Variants in LARGE1 observed in about 807,000 individuals in gnomAD.
LARGE1 encodes the protein xylosyl- and glucuronyltransferase LARGE1.
LARGE1 carries 43 observed loss-of-function variants against 87.6 expected under a neutral mutation model. The observed-to-expected ratio is 0.49, with a 90% CI of 0.38 to 0.63. The LOEUF (loss-of-function observed/expected upper bound fraction) is 0.63. LARGE1 is among the 30% of genes least tolerant of loss of function. The pLI is 0.00. For synonymous variants in LARGE1, 434 were observed against 394.6 expected (o/e 1.10, Z -1.18); for missense variants, 802 against 1,000.2 (o/e 0.80, Z 2.67).
At chr22:33,403,435 T>C (rs534829376) in intron 7 of LARGE1, among the ~76,000 whole-genome samples, 3 of 152,272 alleles carry the variant, frequency 2.0e-5, no homozygotes, top group African/African-American at 7.2e-5. Context: ...ATGGGAGTAA[T>C]AGGGAGTAGT....
In LARGE1 at chr22:33,865,832, C is replaced by CTTTTTTT. The variant is rs3072359; in HGVS notation, c.-83+54156_-83+54162dup. On this transcript the variant is annotated intron_variant, in intron 1 of 14. Coordinates refer to ENST00000397394, the MANE Select transcript of LARGE1 (RefSeq NM_133642.5). ...TAAGCATTCAATGTTAGCTGTTATT[C>CTTTTTTT]TTTTTTTTTTTTTTTTTTTTTTTTT... Among the ~76,000 whole-genome samples the CTTTTTTT allele has an allele frequency of 1.8e-4, 5 of 28,394 alleles. 2 individuals are homozygous for CTTTTTTT. Among genetic ancestry groups the CTTTTTTT allele is most frequent in the Admixed American group, 1.3e-3 (2 of 1,558 alleles). 18.6% of individuals were successfully genotyped at this position (28,394 alleles called of 152,430 possible). A position where few individuals can be genotyped will look rare whatever the true frequency, so the allele number is the denominator to read the frequency against.
intron 10 of LARGE1, among the ~76,000 whole-genome samples, chr22:33,330,007 C>A (rs1937542896): frequency 6.8e-6 from 1 of 147,004 alleles, no homozygotes; most frequent in Admixed American, 6.6e-5. Flanking sequence ...AAAAACAGAA[C>A]AACAAAAAAA....
chr22:33,853,797 C>T (rs1053779129), intron 1 of LARGE1, among the ~76,000 whole-genome samples: 3 of 152,230 alleles, frequency 2.0e-5, no homozygotes, highest in African/African-American at 7.2e-5. Flanking sequence ...TCAAAACCTG[C>T]CTTGGGGCAG....
intron 2 of LARGE1, among the ~76,000 whole-genome samples, chr22:33,676,759 G>A (rs761784657): frequency 2.0e-5 from 3 of 152,062 alleles, no homozygotes; most frequent in Admixed American, 1.3e-4. Context: ...ATACTCAGTG[G>A]TGCCACTGTA....
intron 1 of LARGE1, among the ~76,000 whole-genome samples, chr22:33,791,578 A>G (rs1168164164): frequency 1.3e-5 from 2 of 152,248 alleles, no homozygotes; most frequent in East Asian, 1.9e-4. Flanking sequence ...ACTTCATCTG[A>G]AAATTCATTT....
chr22:33,333,869 A>G (rs771728410), intron 10 of LARGE1, among the ~76,000 whole-genome samples: 1 of 152,214 alleles, frequency 6.6e-6, no homozygotes, highest in Non-Finnish European at 1.5e-5. Flanking sequence ...CTGTAATCCC[A>G]GCACTTTGGG....
At chr22:33,184,400 T>C (rs1923364147) in intron 11 of LARGE1, among the ~76,000 whole-genome samples, 1 of 151,442 alleles carries the variant, frequency 6.6e-6, no homozygotes, top group Non-Finnish European at 1.5e-5. Context: ...TTAATTATAA[T>C]GTAATTATGT....
intron 1 of LARGE1, among the ~76,000 whole-genome samples, chr22:33,828,898 T>C (rs1470396658): frequency 6.6e-6 from 1 of 152,102 alleles, no homozygotes; most frequent in Non-Finnish European, 1.5e-5. Context: ...TGCTATTCCC[T>C]CTCGCTGGAA....
chr22:33,657,940 A>G (rs1603019319), intron 2 of LARGE1, among the ~76,000 whole-genome samples: 2 of 152,028 alleles, frequency 1.3e-5, no homozygotes, highest in African/African-American at 4.8e-5. Context: ...GACTAATGAA[A>G]AAAAAAAAAG....
At chr22:33,510,459 C>G (rs1379687279) in intron 6 of LARGE1, among the ~76,000 whole-genome samples, 1 of 152,186 alleles carries the variant, frequency 6.6e-6, no homozygotes, top group African/African-American at 2.4e-5. Context: ...CTGCCTGTCT[C>G]CAGAGGATGT....
intron 6 of LARGE1, among the ~76,000 whole-genome samples, chr22:33,448,209 C>G (rs2067768222): frequency 1.3e-5 from 2 of 152,012 alleles, no homozygotes; most frequent in South Asian, 4.2e-4. Flanking sequence ...ACACTAAATG[C>G]CACTGGATTG....
chr22:33,269,940 G>T (rs1040007745), downstream of LARGE1, among the ~76,000 whole-genome samples: 2 of 151,312 alleles, frequency 1.3e-5, no homozygotes, highest in African/African-American at 4.9e-5. Context: ...GGGAAGCAGA[G>T]CTTGCAGTGA....
At chr22:33,843,440 A>AAAAAAATAAATAAAT (rs71320994) in intron 1 of LARGE1, among the ~76,000 whole-genome samples, 1 of 146,536 alleles carries the variant, frequency 6.8e-6, no homozygotes, top group African/African-American at 2.6e-5. Flanking sequence ...CCCTCTCAAA[A>AAAAAAATAAATAAAT]AAATAAATAA....
chr22:33,521,655 T>C (rs5994768), intron 6 of LARGE1, among the ~76,000 whole-genome samples: 34 of 152,316 alleles, frequency 2.2e-4, no homozygotes, highest in African/African-American at 7.7e-4. Context: ...GTAACCGATG[T>C]AGGCAGGGGA....
chr22:33,423,407 T>C (rs375209966), intron 7 of LARGE1, among the ~76,000 whole-genome samples: 19 of 152,220 alleles, frequency 1.2e-4, no homozygotes, highest in African/African-American at 4.6e-4. Context: ...CTGGGCACGG[T>C]GGCTCACGCC....
intron 5 of LARGE1, among the ~76,000 whole-genome samples, chr22:33,600,216 C>T (rs1475980): frequency 0.36 from 54,178 of 152,110 alleles, 11,752 homozygotes; most frequent in African/African-American, 0.62. Flanking sequence ...ATCAGTCATT[C>T]AGTAAACATC....
chr22:33,631,229 A>G (rs1037362496), intron 3 of LARGE1, among the ~76,000 whole-genome samples: 1 of 151,958 alleles, frequency 6.6e-6, no homozygotes, highest in African/African-American at 2.4e-5. Context: ...ATTCACAGAC[A>G]TGATCACAGA....
chr22:33,871,759 C>T (rs2064290468), intron 1 of LARGE1, among the ~76,000 whole-genome samples: 1 of 151,928 alleles, frequency 6.6e-6, no homozygotes. Flanking sequence ...TTGATTTTTT[C>T]ACTGCATGAA....
intron 1 of LARGE1, among the ~76,000 whole-genome samples, chr22:33,781,093 G>C (rs2085405832): frequency 6.6e-6 from 1 of 152,186 alleles, no homozygotes; most frequent in Non-Finnish European, 1.5e-5. Context: ...GGTGGTTTTG[G>C]TATCCAATAA....
Sources: gnomAD v4.1 joint callset for allele counts (sites outside exome capture counted in the v4.1 genomes callset) on GRCh38, gnomAD v4.1.1 for gene constraint, MANE v1.5 for transcripts, NCBI Gene and HGNC (gene_info 2026-07-23, HGNC 2026-07-21) for gene names.